Variants in TRIAP1 observed in about 807,000 individuals in gnomAD.
TRIAP1 encodes the protein TP53-regulated inhibitor of apoptosis 1.
Under a neutral mutation model 8.4 loss-of-function variants are expected in TRIAP1, and 8 were observed. That is an observed-to-expected ratio of 0.96 (90% CI 0.56 to 1.73). The LOEUF (loss-of-function observed/expected upper bound fraction) is 1.73, where lower values mean the gene tolerates loss of function less well. TRIAP1 is among the 40% of genes most tolerant of loss of function. The probability of loss-of-function intolerance (pLI) is 0.00; values close to 1 mark genes in which losing one functional copy is unlikely to be tolerated. For missense variants in TRIAP1, 90 were observed against 96.9 expected, an observed-to-expected ratio of 0.93 and a Z score of 0.30; for synonymous variants, 35 against 34.0, an observed-to-expected ratio of 1.03 and a Z score of -0.10.
chr12:120,446,038 A>G, intron 1 of TRIAP1, 188 bp downstream of exon 1: 1 of 726,776 alleles, frequency 1.4e-6, no homozygotes, highest in Non-Finnish European at 2.2e-6. Context: ...CTGCCCCAAT[A>G]TTTGTCATTC....
intron 1 of TRIAP1, among the ~76,000 whole-genome samples, chr12:120,445,789 G>A (rs768647248): frequency 6.6e-6 from 1 of 152,162 alleles, no homozygotes; most frequent in Non-Finnish European, 1.5e-5. Flanking sequence ...ACAAAAAAAT[G>A]TGACCCTCCA....
intron 1 of TRIAP1, 139 bp from the exon 2 acceptor site, chr12:120,445,094 T>TA (rs1565911184): frequency 1.5e-6 from 1 of 682,172 alleles, no homozygotes; most frequent in Non-Finnish European, 2.4e-6. Flanking sequence ...ACATACTTTT[T>TA]AAAAAACAAG....
At chr12:120,446,071 G>T in intron 1 of TRIAP1, 155 bp downstream of exon 1, 1 of 1,044,322 alleles carries the variant, frequency 9.6e-7, no homozygotes, top group Non-Finnish European at 1.3e-6. Context: ...AAGTGGCCTC[G>T]GTGGTGATGG....
chr12:120,445,613 T>C (rs558577367), intron 1 of TRIAP1, among the ~76,000 whole-genome samples: 76 of 152,200 alleles, frequency 5.0e-4, no homozygotes, highest in Non-Finnish European at 1.0e-3. Context: ...CCTCGGGGAA[T>C]TGCTGTGAGG....
chr12:120,446,307 C>G lies in TRIAP1; in HGVS notation c.66G>C (p.Trp22Cys), dbSNP rs779509460. ...KREYDQCFNR[W>C]FAEKFLKGDS... Reference sequence around the variant, plus strand: ...CCCCCTTGAGAAATTTCTCGGCGAACCAGCGATTGAAGCACTGGTCGTACT... The same window carrying G: ...CCCCCTTGAGAAATTTCTCGGCGAAGCAGCGATTGAAGCACTGGTCGTACT... The change falls in exon 1 of 2, where the codon TGG (tryptophan) becomes TGC (cysteine). Residue 22 changes from tryptophan to cysteine, a missense_variant. Transcript: ENST00000546954. The G allele has an allele frequency of 6.2e-7, 1 of 1,614,208 alleles. No homozygotes were observed. The highest frequency in any genetic ancestry group is 8.5e-7 in the Non-Finnish European group (1 of 1,180,046).
Position 120,444,198 on chromosome 12 carries a change from C to T in TRIAP1, c.*674G>A, listed in dbSNP as rs1877793685. ...TTTAGGTTCTTCCTCCACAGCTATT[C>T]CAAGTATCTTAATTCCTGAACTGCA... On this transcript the variant is annotated 3_prime_UTR_variant, in exon 2 of 2. Coordinates refer to ENST00000546954, the MANE Select transcript of TRIAP1 (RefSeq NM_016399.3). 6.6e-6 allele frequency: 1 copy of T among 152,214 alleles called. No homozygotes were observed. The highest frequency in any genetic ancestry group is 2.4e-5 in the African/African-American group (1 of 41,446). The allele number at this position is 152,214 out of a possible 1,614,324, so 9.4% of individuals were successfully genotyped here. A position where few individuals can be genotyped will look rare whatever the true frequency, so the allele number is the denominator to read the frequency against.
rs1244516344 is a variant in TRIAP1 at position 120,446,234 on chromosome 12, A to T, written c.139T>A (p.Cys47Ser). 6.2e-7 allele frequency: 1 copy of T among 1,613,966 alleles called. No homozygotes were observed. The highest frequency in any genetic ancestry group is 1.1e-5 in the South Asian group (1 of 91,068). Residue 47 changes from cysteine to serine, a missense_variant, in exon 1 of 2, where the codon TGT (cysteine) becomes AGT (serine). By Grantham distance (112) the Cys-to-Ser change is moderately radical. Coordinates refer to ENST00000546954, the MANE Select transcript of TRIAP1 (RefSeq NM_016399.3). ...GAGGCGGGAGGGCTCACCTGAACAC[A>T]CTGCTGGTAGCGCTTGAAGAGGTCG... ...CTDLFKRYQQ[C>S]VQKAIKEKEI... is the part of the protein sequence containing the mutation.
intron 1 of TRIAP1, 45 bp from the exon 2 acceptor site, chr12:120,445,000 A>C: frequency 7.4e-7 from 1 of 1,359,150 alleles, no homozygotes; most frequent in Non-Finnish European, 1.0e-6. Flanking sequence ...CATGAAGCTT[A>C]AGTTGCAAGC....
Position 120,446,333 on chromosome 12 carries a change from C to T in TRIAP1, c.40G>A (p.Glu14Lys), listed in dbSNP as rs368215298. Reference sequence around the variant, plus strand: ...CAGCGATTGAAGCACTGGTCGTACTCGCGCTTCATGTCCGTGCATGCCTCC... The same window carrying T: ...CAGCGATTGAAGCACTGGTCGTACTTGCGCTTCATGTCCGTGCATGCCTCC... ...VGEACTDMKR[E>K]YDQCFNRWFA... The change falls in exon 1 of 2, where the codon GAG (glutamate) becomes AAG (lysine). Residue 14 changes from glutamate (E) to lysine (K), a missense_variant. Transcript: ENST00000546954. 17 of 1,614,136 alleles carry T rather than the reference C, an allele frequency of 1.1e-5. No individual in the cohort carries two copies. In the East Asian group the frequency reaches 3.6e-4, roughly 34 times the overall value.
intron 1 of TRIAP1, among the ~76,000 whole-genome samples, chr12:120,445,359 C>T (rs1051745048): frequency 6.6e-6 from 1 of 152,068 alleles, no homozygotes; most frequent in Non-Finnish European, 1.5e-5. Flanking sequence ...CCATTGCACT[C>T]CAGGCTGGGA....
chr12:120,446,074 G>T, intron 1 of TRIAP1, 152 bp downstream of exon 1: 1 of 1,089,730 alleles, frequency 9.2e-7, no homozygotes, highest in Non-Finnish European at 1.3e-6. Context: ...TGGCCTCGGT[G>T]GTGATGGTAG....
chr12:120,445,909 A>G (rs1877838182), intron 1 of TRIAP1: 1 of 308,840 alleles, frequency 3.2e-6, no homozygotes, highest in Admixed American at 4.8e-5. Flanking sequence ...CGGATTAATC[A>G]CTTCCTATTT....
Position 120,446,367 on chromosome 12 carries a change from G to A in TRIAP1, c.6C>T (p.Asn2=), listed in dbSNP as rs759142396. M[N]SVGEACTDMK... ...TGTCCGTGCATGCCTCCCCCACACT[G>A]TTCATGGCGACAGTGGTGGCGGCGG... The change falls in exon 1 of 2, where the codon AAC becomes AAT. Residue 2 remains asparagine, a synonymous_variant. Coordinates refer to ENST00000546954, the MANE Select transcript of TRIAP1 (RefSeq NM_016399.3). 4.3e-6 allele frequency: 7 copies of A among 1,613,438 alleles called. No individual in the cohort carries two copies. The South Asian group carries it at 6.6e-5, about 15-fold the overall frequency.
In TRIAP1 at chr12:120,444,960, TAGG is replaced by T. The variant is rs773160525; in HGVS notation, c.148-8_148-6del. The T allele has an allele frequency of 4.4e-6, 7 of 1,608,250 alleles. No homozygotes were observed. The East Asian group carries it at 8.9e-5, about 21-fold the overall frequency. On this transcript the variant is annotated splice_region_variant and splice_polypyrimidine_tract_variant and intron_variant, in intron 1 of 1. Coordinates refer to ENST00000546954, the MANE Select transcript of TRIAP1 (RefSeq NM_016399.3). ...CTCTTTCTCCTTTATTGCTTTCTGG[TAGG>T]AGGAGAAAACACATTATAAAGACCT...
intron 1 of TRIAP1, chr12:120,445,986 A>G (rs1877841432): frequency 1.9e-6 from 1 of 539,658 alleles, no homozygotes; most frequent in South Asian, 2.9e-5. Context: ...TAGGGTGAAC[A>G]CCAAATGAAC....
At position 120,444,631 on chromosome 12, in the gene TRIAP1, A is replaced by G. The variant is rs774891319; in HGVS notation, c.*241T>C. 3 of 470,030 alleles carry G rather than the reference A, an allele frequency of 6.4e-6. No homozygotes were observed. The highest frequency in any genetic ancestry group is 1.2e-5 in the Non-Finnish European group (3 of 260,090). The allele number at this position is 470,030 out of a possible 1,614,324, so 29.1% of individuals were successfully genotyped here. On this transcript the variant is annotated 3_prime_UTR_variant, in exon 2 of 2. Coordinates refer to ENST00000546954, the MANE Select transcript of TRIAP1 (RefSeq NM_016399.3). ...TGATTCCACGCCAAGTATTGCAACC[A>G]TAATCTCAAAAAAATTGTTCAATTT...
In TRIAP1 at chr12:120,444,971, AAC is replaced by A. The variant is rs762922179; in HGVS notation, c.148-18_148-17del. On this transcript the variant is annotated splice_polypyrimidine_tract_variant and intron_variant, in intron 1 of 1. Transcript: ENST00000546954. ...TTATTGCTTTCTGGTAGGAGGAGAA[AAC>A]ACATTATAAAGACCTACATGAAGCT... The A allele has an allele frequency of 1.7e-5, 27 of 1,585,104 alleles. 1 individual carries two copies. In the South Asian group the frequency reaches 2.9e-4, roughly 17 times the overall value.
At chr12:120,445,830 A>G (rs1877836409) in intron 1 of TRIAP1, 1 of 193,954 alleles carries the variant, frequency 5.2e-6, no homozygotes, top group African/African-American at 2.4e-5. Flanking sequence ...TCCCGCCCAG[A>G]CCCCAGCAGT....
At chr12:120,445,368 G>C (rs1877823619) in intron 1 of TRIAP1, among the ~76,000 whole-genome samples, 1 of 152,214 alleles carries the variant, frequency 6.6e-6, no homozygotes, top group Admixed American at 6.5e-5. Flanking sequence ...TCCAGGCTGG[G>C]AGACAGAGTG....
Sources: gnomAD v4.1 joint callset for allele counts (sites outside exome capture counted in the v4.1 genomes callset) on GRCh38, gnomAD v4.1.1 for gene constraint, MANE v1.5 for transcripts, NCBI Gene and HGNC (gene_info 2026-07-23, HGNC 2026-07-21) for gene names.